Variants in SORCS3 observed in about 807,000 individuals in gnomAD.
SORCS3 encodes the protein sortilin related VPS10 domain containing receptor 3, also known as VPS10 domain-containing receptor SorCS3.
Under a neutral mutation model 146.3 loss-of-function variants are expected in SORCS3, and 57 were observed. That is an observed-to-expected ratio of 0.39 (90% CI 0.31 to 0.49). SORCS3 has a LOEUF of 0.49. SORCS3 is among the 20% of genes least tolerant of loss of function. The pLI is 0.92. For missense variants in SORCS3, 1,341 were observed against 1,575.5 expected, an observed-to-expected ratio of 0.85 and a Z score of 2.52; for synonymous variants, 653 against 618.5, an observed-to-expected ratio of 1.06 and a Z score of -0.83.
intron 4 of SORCS3, among the ~76,000 whole-genome samples, chr10:105,014,216 G>T (rs1225770498): frequency 6.6e-6 from 1 of 151,314 alleles, no homozygotes; most frequent in African/African-American, 2.4e-5. Context: ...GGACAATTGG[G>T]TATTCATAGG....
intron 4 of SORCS3, among the ~76,000 whole-genome samples, chr10:105,037,021 G>A (rs1014061330): frequency 1.9e-4 from 29 of 152,116 alleles, no homozygotes; most frequent in African/African-American, 7.0e-4. Flanking sequence ...AAGAGAAACT[G>A]ACCTGAACAC....
intron 7 of SORCS3, among the ~76,000 whole-genome samples, chr10:105,124,774 G>A (rs1427294513): frequency 1.3e-5 from 2 of 152,032 alleles, no homozygotes; most frequent in Non-Finnish European, 2.9e-5. Context: ...ACCTCTCGAG[G>A]CCAGGCAAGA....
chr10:104,952,652 C>T (rs2019444797), intron 3 of SORCS3, among the ~76,000 whole-genome samples: 1 of 152,160 alleles, frequency 6.6e-6, no homozygotes, highest in African/African-American at 2.4e-5. Flanking sequence ...GCTGTGCTTA[C>T]TCTTTTCTGA....
chr10:105,086,313 C>G lies in SORCS3; in HGVS notation c.1029-3462C>G, dbSNP rs535021619. Among the ~76,000 whole-genome samples the G allele has an allele frequency of 2.6e-5, 4 of 152,210 alleles. No homozygotes were observed. In the South Asian group the frequency reaches 8.3e-4, roughly 32 times the overall value. On this transcript the variant is annotated intron_variant, in intron 5 of 26. Transcript: ENST00000369701. ...TGACAGGAAAGGGTACTGAGCAGAC[C>G]CAAACCACAGGTGTCCACTCTAGTG...
intron 5 of SORCS3, among the ~76,000 whole-genome samples, chr10:105,068,883 A>G (rs1294108228): frequency 6.6e-6 from 1 of 152,240 alleles, no homozygotes; most frequent in Non-Finnish European, 1.5e-5. Context: ...AGATGCCTTT[A>G]TAGATCATAA....
At chr10:104,759,963 G>A (rs752370654) in intron 1 of SORCS3, among the ~76,000 whole-genome samples, 3 of 152,166 alleles carry the variant, frequency 2.0e-5, no homozygotes, top group Non-Finnish European at 4.4e-5. Context: ...ACAAAGTAAT[G>A]TACCGAGGGG....
intron 2 of SORCS3, among the ~76,000 whole-genome samples, chr10:104,895,438 T>A (rs1292161680): frequency 1.3e-5 from 2 of 152,158 alleles, no homozygotes; most frequent in African/African-American, 4.8e-5. Flanking sequence ...TATGTCCCAC[T>A]AACAACAGGG....
chr10:104,658,534 T>C (rs1414548589), intron 1 of SORCS3, among the ~76,000 whole-genome samples: 2 of 152,326 alleles, frequency 1.3e-5, no homozygotes, highest in East Asian at 3.9e-4. Flanking sequence ...TTTGTATTTT[T>C]AGTGTAGGCA....
chr10:105,056,332 C>T (rs999002548), intron 5 of SORCS3, among the ~76,000 whole-genome samples: 4 of 152,070 alleles, frequency 2.6e-5, no homozygotes, highest in African/African-American at 9.7e-5. Flanking sequence ...CCTTCTGCAC[C>T]CCTCTAGTTG....
At chr10:104,839,251 T>C (rs2496014) in intron 1 of SORCS3, among the ~76,000 whole-genome samples, 109,154 of 152,090 alleles carry the variant, frequency 0.72, 39,982 homozygotes, top group East Asian at 0.86. Flanking sequence ...ATATAGTGTT[T>C]GTGATAAATT....
Position 105,016,155 on chromosome 10 carries a change from A to ATAT in SORCS3, c.955-26899_955-26898insATT, listed in dbSNP as rs71482443. Among the ~76,000 whole-genome samples, 238 of 101,300 alleles carry ATAT rather than the reference A, an allele frequency of 2.3e-3. 5 individuals carry two copies. The highest frequency in any genetic ancestry group is 6.4e-3 in the Middle Eastern group (1 of 156). 66.5% of individuals were successfully genotyped at this position (101,300 alleles called of 152,430 possible). A position where few individuals can be genotyped will look rare whatever the true frequency, so the allele number is the denominator to read the frequency against. On this transcript the variant is annotated intron_variant, in intron 4 of 26. Coordinates refer to ENST00000369701, the MANE Select transcript of SORCS3 (RefSeq NM_014978.3). The stretch of plus-strand genomic sequence containing the variant: ...TATAAATATATATATATATATATAT[A>ATAT]TTTTTTTTTTTTTTTGAGATGGAGT...
At chr10:105,182,759 G>A (rs559464077) in intron 14 of SORCS3, among the ~76,000 whole-genome samples, 13 of 152,058 alleles carry the variant, frequency 8.5e-5, no homozygotes, top group Non-Finnish European at 1.3e-4. Context: ...GCAGTGATGC[G>A]GTCATGGTTC....
intron 9 of SORCS3, among the ~76,000 whole-genome samples, chr10:105,155,138 C>T (rs564044158): frequency 1.4e-4 from 22 of 152,286 alleles, no homozygotes; most frequent in African/African-American, 5.3e-4. Context: ...ATATGTGGGA[C>T]ACACAGAAAA....
At chr10:105,083,791 T>G (rs1241885900) in intron 5 of SORCS3, among the ~76,000 whole-genome samples, 3 of 152,238 alleles carry the variant, frequency 2.0e-5, no homozygotes, top group African/African-American at 4.8e-5. Context: ...TCTGCAATAT[T>G]GAAAATGTAT....
intron 3 of SORCS3, among the ~76,000 whole-genome samples, chr10:104,934,807 G>A (rs1208889889): frequency 1.3e-5 from 2 of 152,182 alleles, no homozygotes; most frequent in Non-Finnish European, 2.9e-5. Flanking sequence ...TTGTAGAGGT[G>A]GACGAAGTCA....
chr10:104,913,766 CTT>C (rs35484660), intron 2 of SORCS3, among the ~76,000 whole-genome samples: 131 of 106,450 alleles, frequency 1.2e-3, no homozygotes, highest in South Asian at 6.2e-3. Context: ...TATCCCCATT[CTT>C]TTTTTTTTTT....
At chr10:104,763,728 C>T (rs1451375675) in intron 1 of SORCS3, among the ~76,000 whole-genome samples, 1 of 152,138 alleles carries the variant, frequency 6.6e-6, no homozygotes, top group Non-Finnish European at 1.5e-5. Context: ...TGTGTCTCCA[C>T]CCAAAATCTC....
intron 1 of SORCS3, among the ~76,000 whole-genome samples, chr10:104,727,545 G>A (rs374690011): frequency 8.1e-5 from 12 of 147,942 alleles, no homozygotes; most frequent in Admixed American, 1.4e-4. Context: ...ATGTGTGTGT[G>A]TATATATATA....
intron 3 of SORCS3, among the ~76,000 whole-genome samples, chr10:104,927,493 T>C (rs565649516): frequency 6.6e-6 from 1 of 152,160 alleles, no homozygotes; most frequent in South Asian, 2.1e-4. Flanking sequence ...TAAGAGAAAA[T>C]AACAACACAG....
Sources: allele counts gnomAD v4.1 joint callset (sites outside exome capture counted in the v4.1 genomes callset), GRCh38; gene constraint gnomAD v4.1.1; transcripts MANE v1.5; gene names NCBI Gene and HGNC (gene_info 2026-07-23, HGNC 2026-07-21).